The following MYT1L variants were observed in gnomAD, a reference collection of about 807,000 sequenced individuals.
MYT1L encodes the protein myelin transcription factor 1-like protein.
Under a neutral mutation model 126.7 loss-of-function variants are expected in MYT1L, and 12 were observed. That is an observed-to-expected ratio of 0.09 (90% CI 0.06 to 0.15). MYT1L has a LOEUF of 0.15. Ranked by LOEUF, MYT1L falls within the 10% of genes least tolerant of loss-of-function variation. The pLI is 1.00. For synonymous variants in MYT1L, 541 were observed against 604.2 expected (o/e 0.90, Z 1.53); for missense variants, 979 against 1,585.2 (o/e 0.62, Z 6.49).
At chr2:2,132,272 T>G (rs1407699493) in intron 3 of MYT1L, among the ~76,000 whole-genome samples, 1 of 152,106 alleles carries the variant, frequency 6.6e-6, no homozygotes, top group Non-Finnish European at 1.5e-5. Flanking sequence ...TAAAGACACA[T>G]GCACACATAC....
chr2:2,098,590 G>C (rs1451777792), intron 3 of MYT1L, among the ~76,000 whole-genome samples: 1 of 152,200 alleles, frequency 6.6e-6, no homozygotes, highest in Non-Finnish European at 1.5e-5. Flanking sequence ...TATCCAGCAG[G>C]TGGAGGCCAG....
chr2:1,840,889 C>T, intron 19 of MYT1L, 46 bp from the exon 20 acceptor site: 1 of 1,089,432 alleles, frequency 9.2e-7, no homozygotes, highest in Non-Finnish European at 1.3e-6. Flanking sequence ...CCGTTGATTT[C>T]AGTGAGCTTT....
intron 3 of MYT1L, among the ~76,000 whole-genome samples, chr2:2,079,135 G>A (rs1014860255): frequency 1.3e-5 from 2 of 152,090 alleles, no homozygotes; most frequent in African/African-American, 4.8e-5. Flanking sequence ...ATACATTTCT[G>A]TTTTTTATAA....
chr2:2,086,527 C>CTCA (rs1215247263), intron 3 of MYT1L, among the ~76,000 whole-genome samples: 1 of 152,132 alleles, frequency 6.6e-6, no homozygotes, highest in African/African-American at 2.4e-5. Flanking sequence ...TTAATTTGTA[C>CTCA]TCACTTTGTA....
chr2:1,798,905 C>G (rs1284719494), intron 23 of MYT1L, among the ~76,000 whole-genome samples: 1 of 152,200 alleles, frequency 6.6e-6, no homozygotes, highest in Non-Finnish European at 1.5e-5. Context: ...ACATTGTTTT[C>G]TGGTAAGTTT....
intron 8 of MYT1L, among the ~76,000 whole-genome samples, chr2:1,944,791 C>A (rs2057043898): frequency 6.6e-6 from 1 of 152,192 alleles, no homozygotes; most frequent in South Asian, 2.1e-4. Flanking sequence ...CTGTGTACAC[C>A]ATGCACCAAA....
chr2:2,132,231 C>G (rs1033016608), intron 3 of MYT1L, among the ~76,000 whole-genome samples: 1 of 151,866 alleles, frequency 6.6e-6, no homozygotes, highest in Non-Finnish European at 1.5e-5. Context: ...TTGGGCAGAG[C>G]TTGAGGGTCT....
intron 11 of MYT1L, among the ~76,000 whole-genome samples, chr2:1,914,355 G>C (rs561817092): frequency 1.1e-4 from 16 of 152,112 alleles, no homozygotes; most frequent in Admixed American, 8.5e-4. Flanking sequence ...TTCCTCTCCT[G>C]GTTTTCTGTT....
At chr2:1,895,588 A>T (rs1410426411) in intron 14 of MYT1L, among the ~76,000 whole-genome samples, 1 of 152,178 alleles carries the variant, frequency 6.6e-6, no homozygotes, top group African/African-American at 2.4e-5. Flanking sequence ...TGATAAGGCC[A>T]ATGAGAACAA....
intron 1 of MYT1L, among the ~76,000 whole-genome samples, chr2:2,303,048 T>A (rs2095807156): frequency 6.6e-6 from 1 of 152,198 alleles, no homozygotes; most frequent in Non-Finnish European, 1.5e-5. Flanking sequence ...GCTCCATTTT[T>A]AATTCTAGGT....
In MYT1L at chr2:1,929,170, A is replaced by C. The variant is rs2054615778; in HGVS notation, c.506-5907T>G. 6.6e-6 allele frequency among the ~76,000 whole-genome samples: 1 copy of C among 152,044 alleles called. No individual in the cohort carries two copies. The highest frequency in any genetic ancestry group is 6.6e-5 in the Admixed American group (1 of 15,262). ...TCTCTTTCCTTTCATAAGAGGGGAG[A>C]AGTCACTTTCCCAGCCCGGGTGGCC... is the stretch of plus-strand genomic sequence containing the variant. On this transcript the variant is annotated intron_variant, in intron 9 of 24. Coordinates refer to ENST00000647738, the MANE Select transcript of MYT1L (RefSeq NM_001303052.2). This position sits in a 1 kb window ranked among gnomAD's most constrained non-coding sequence, Gnocchi z 4.7.
At chr2:1,873,154 C>A (rs987070803) in intron 18 of MYT1L, among the ~76,000 whole-genome samples, 3 of 152,182 alleles carry the variant, frequency 2.0e-5, no homozygotes, top group African/African-American at 4.8e-5. Flanking sequence ...GAGACCCTCC[C>A]AGGTTTTCAA....
chr2:1,981,544 G>C (rs567886653), intron 5 of MYT1L, among the ~76,000 whole-genome samples: 2 of 152,304 alleles, frequency 1.3e-5, no homozygotes, highest in African/African-American at 4.8e-5. Flanking sequence ...AGGTCAAGGA[G>C]GTGCCTGAAG....
At chr2:2,295,715 G>GAGAGAGAGACAGAC (rs2095675566) in intron 1 of MYT1L, among the ~76,000 whole-genome samples, 1 of 143,232 alleles carries the variant, frequency 7.0e-6, no homozygotes, top group Admixed American at 6.9e-5. Flanking sequence ...CAGACAGACA[G>GAGAGAGAGACAGAC]AGAGAGAGAT....
chr2:2,017,361 T>C (rs1254893205), intron 4 of MYT1L, among the ~76,000 whole-genome samples: 1 of 152,260 alleles, frequency 6.6e-6, no homozygotes, highest in African/African-American at 2.4e-5. Context: ...TTGTGATTGA[T>C]AACAAGTCCA....
rs1334064749 is a variant in MYT1L at position 2,059,824 on chromosome 2, A to G, written c.-303-5701T>C. ...TGAAAATGTGGTGGGTTTCCTAGAA[A>G]GAGTTTTGTAGGAAGCTTTGGAGGC... On this transcript the variant is annotated intron_variant, in intron 3 of 24. Coordinates refer to ENST00000647738, the MANE Select transcript of MYT1L (RefSeq NM_001303052.2). This position sits in a 1 kb window ranked among gnomAD's most constrained non-coding sequence, Gnocchi z 4.7. Among the ~76,000 whole-genome samples, 1 of 152,162 alleles carries G rather than the reference A, an allele frequency of 6.6e-6. No individual in the cohort carries two copies. Among genetic ancestry groups the G allele is most frequent in the Non-Finnish European group, 1.5e-5 (1 of 68,024 alleles).
chr2:1,791,628 A>G lies in MYT1L; in HGVS notation c.*239T>C, dbSNP rs1374817770. The G allele has an allele frequency of 4.1e-6, 2 of 486,932 alleles. No homozygotes were observed. Among genetic ancestry groups the G allele is most frequent in the Non-Finnish European group, 7.2e-6 (2 of 277,922 alleles). The allele number at this position is 486,932 out of a possible 1,614,324, so 30.2% of individuals were successfully genotyped here. ...TGTGCATACATCAGCAGCTATAAACATTACATGGCAGAACACTATGTCAGC... is the reference window on the plus strand; with the variant it reads ...TGTGCATACATCAGCAGCTATAAACGTTACATGGCAGAACACTATGTCAGC... On this transcript the variant is annotated 3_prime_UTR_variant, in exon 25 of 25. Transcript: ENST00000647738. The surrounding 1 kb of genome is among the most constrained non-coding windows in gnomAD (Gnocchi z 6.0).
chr2:2,067,814 G>A (rs1574952213), intron 3 of MYT1L, among the ~76,000 whole-genome samples: 1 of 152,142 alleles, frequency 6.6e-6, no homozygotes, highest in East Asian at 1.9e-4. Context: ...AATATATAAA[G>A]CATTAAAAAT....
intron 9 of MYT1L, among the ~76,000 whole-genome samples, chr2:1,932,962 A>G (rs1437240458): frequency 1.3e-5 from 2 of 152,116 alleles, no homozygotes; most frequent in Non-Finnish European, 2.9e-5. Context: ...CTAAAGGAGA[A>G]CAATGGCACC....
Sources: gnomAD v4.1 joint callset for allele counts (sites outside exome capture counted in the v4.1 genomes callset) on GRCh38, gnomAD v4.1.1 for gene constraint, Gnocchi (gnomAD v3.1) non-coding constraint, MANE v1.5 for transcripts, NCBI Gene and HGNC (gene_info 2026-07-23, HGNC 2026-07-21) for gene names.